PKNOX2: variants seen among roughly 807,000 people sequenced by gnomAD.
PKNOX2 encodes the protein PBX/knotted 1 homeobox 2, also known as homeobox protein PKNOX2.
Under a neutral mutation model 53.1 loss-of-function variants are expected in PKNOX2, and 14 were observed. The ratio of observed to expected loss-of-function variants is 0.26; its 90% CI spans 0.17 to 0.41. PKNOX2 has a LOEUF of 0.41. Among genes scored for constraint, PKNOX2 ranks in the 10% least tolerant of loss-of-function variants. PKNOX2 has a pLI of 1.00. For synonymous variants in PKNOX2, 257 were observed against 242.8 expected, an observed-to-expected ratio of 1.06 and a Z score of -0.54; for missense variants, 496 against 602.8, an observed-to-expected ratio of 0.82 and a Z score of 1.85.
At chr11:125,340,911 G>C (rs7350532) in intron 3 of PKNOX2, among the ~76,000 whole-genome samples, 2 of 151,734 alleles carry the variant, frequency 1.3e-5, no homozygotes, top group Admixed American at 1.3e-4. Context: ...TTAGCCAGGC[G>C]TGGTGGCAGG....
rs1943055768 is a variant in PKNOX2 at position 125,240,373 on chromosome 11, T to C, written c.-130+5258T>C. The C allele has an allele frequency of 6.6e-6, 1 of 152,216 alleles. No individual in the cohort carries two copies. The highest frequency in any genetic ancestry group is 1.5e-5 in the Non-Finnish European group (1 of 68,056). The allele number at this position is 152,216 out of a possible 1,614,324, so 9.4% of individuals were successfully genotyped here. ...CTAACGAGATTTTGCTAATTAAATC[T>C]CCTTTCAGTTGGTGTGACTATGCCT... On this transcript the variant is annotated intron_variant, in intron 2 of 12. Coordinates refer to ENST00000298282, the MANE Select transcript of PKNOX2 (RefSeq NM_001382323.2). This position sits in a 1 kb window ranked among gnomAD's most constrained non-coding sequence, Gnocchi z 4.3.
At chr11:125,180,808 G>A (rs191873981) in intron 1 of PKNOX2, among the ~76,000 whole-genome samples, 1 of 152,338 alleles carries the variant, frequency 6.6e-6, no homozygotes, top group African/African-American at 2.4e-5. Flanking sequence ...CTTGCGGGAT[G>A]TTGGTAAAGG....
intron 1 of PKNOX2, among the ~76,000 whole-genome samples, chr11:125,196,883 T>C (rs913343916): frequency 4.6e-5 from 7 of 152,218 alleles, no homozygotes; most frequent in Non-Finnish European, 7.3e-5. Flanking sequence ...TGGTGCTTTA[T>C]ACTTTGAGAA....
At chr11:125,310,446 G>T (rs183792197) in intron 2 of PKNOX2, among the ~76,000 whole-genome samples, 2 of 151,530 alleles carry the variant, frequency 1.3e-5, no homozygotes, top group African/African-American at 4.9e-5. Context: ...AGTGAGCCGA[G>T]ATCCTACCAC....
At chr11:125,365,224 C>T (rs1952127390) in intron 4 of PKNOX2, among the ~76,000 whole-genome samples, 1 of 152,146 alleles carries the variant, frequency 6.6e-6, no homozygotes, top group South Asian at 2.1e-4. Context: ...TACCGAACCC[C>T]TTTACCATCC....
intron 2 of PKNOX2, among the ~76,000 whole-genome samples, chr11:125,243,305 C>G (rs1943298329): frequency 6.6e-6 from 1 of 152,170 alleles, no homozygotes; most frequent in Non-Finnish European, 1.5e-5. Context: ...AGGCTCAGCC[C>G]AGAGGCCCTT....
intron 2 of PKNOX2, among the ~76,000 whole-genome samples, chr11:125,258,357 C>T (rs191067567): frequency 1.3e-4 from 20 of 152,230 alleles, no homozygotes; most frequent in East Asian, 1.2e-3. Context: ...TGTGTAAACA[C>T]GTCATTAGTG....
At chr11:125,413,403 T>C (rs1332394242) in intron 10 of PKNOX2, among the ~76,000 whole-genome samples, 1 of 152,188 alleles carries the variant, frequency 6.6e-6, no homozygotes, top group Non-Finnish European at 1.5e-5. Context: ...GGGGCTCAGA[T>C]GGACTCAGTG....
chr11:125,291,738 G>A (rs558013869), intron 2 of PKNOX2, among the ~76,000 whole-genome samples: 2 of 152,026 alleles, frequency 1.3e-5, no homozygotes, highest in African/African-American at 4.8e-5. Context: ...ACCATCAAAA[G>A]GAATAGAGTT....
intron 2 of PKNOX2, among the ~76,000 whole-genome samples, chr11:125,261,555 C>T (rs1206601369): frequency 6.6e-6 from 1 of 152,176 alleles, no homozygotes; most frequent in Admixed American, 6.5e-5. Flanking sequence ...ATGCTCCCTC[C>T]CCACCACCAC....
At chr11:125,172,999 C>T (rs1955439271) in intron 1 of PKNOX2, among the ~76,000 whole-genome samples, 1 of 152,164 alleles carries the variant, frequency 6.6e-6, no homozygotes, top group Non-Finnish European at 1.5e-5. Context: ...CAGCGTGGGG[C>T]TAGGGGAAGG....
chr11:125,364,567 G>A (rs532027302), intron 4 of PKNOX2, among the ~76,000 whole-genome samples: 6 of 152,266 alleles, frequency 3.9e-5, no homozygotes, highest in East Asian at 3.9e-4. Flanking sequence ...TCAAGGACAC[G>A]AGGAAACTCA....
At chr11:125,308,691 C>T (rs1448704486) in intron 2 of PKNOX2, among the ~76,000 whole-genome samples, 2 of 152,130 alleles carry the variant, frequency 1.3e-5, no homozygotes, top group African/African-American at 2.4e-5. Flanking sequence ...GTTTAACTGC[C>T]GTGCTGTGAT....
chr11:125,289,100 T>C (rs566343654), intron 2 of PKNOX2, among the ~76,000 whole-genome samples: 1 of 152,322 alleles, frequency 6.6e-6, no homozygotes, highest in East Asian at 1.9e-4. Flanking sequence ...GGTGCTGCGG[T>C]GTAGAGATCT....
chr11:125,430,568 T>C (rs1415149348), intron 12 of PKNOX2, among the ~76,000 whole-genome samples: 2 of 152,172 alleles, frequency 1.3e-5, no homozygotes, highest in African/African-American at 4.8e-5. Flanking sequence ...ACTTTTCTAA[T>C]TGCCAGTCGC....
intron 1 of PKNOX2, among the ~76,000 whole-genome samples, chr11:125,186,616 A>C (rs1956462928): frequency 6.6e-6 from 1 of 152,226 alleles, no homozygotes; most frequent in Non-Finnish European, 1.5e-5. Flanking sequence ...TGCACCACTG[A>C]ACTCCAGCCT....
chr11:125,315,688 T>C (rs763134737), intron 2 of PKNOX2, among the ~76,000 whole-genome samples: 2 of 152,340 alleles, frequency 1.3e-5, no homozygotes, highest in East Asian at 3.9e-4. Flanking sequence ...ATGCTTCAGA[T>C]GAGCCAGCCT....
At chr11:125,178,149 T>C (rs938685424) in intron 1 of PKNOX2, among the ~76,000 whole-genome samples, 5 of 152,102 alleles carry the variant, frequency 3.3e-5, no homozygotes, top group Non-Finnish European at 7.4e-5. Flanking sequence ...ATTTTATATA[T>C]GGGGAAACTG....
intron 1 of PKNOX2, among the ~76,000 whole-genome samples, chr11:125,167,018 G>C (rs945835615): frequency 6.6e-5 from 10 of 152,122 alleles, no homozygotes; most frequent in African/African-American, 1.9e-4. Context: ...TCTGGCCTTC[G>C]GAGGCCCCAG....
Sources: allele counts gnomAD v4.1 joint callset (sites outside exome capture counted in the v4.1 genomes callset), GRCh38; gene constraint gnomAD v4.1.1; non-coding constraint Gnocchi (gnomAD v3.1); transcripts MANE v1.5; gene names NCBI Gene and HGNC (gene_info 2026-07-23, HGNC 2026-07-21).